The following LGR6 variants were observed in gnomAD, a reference collection of about 807,000 sequenced individuals.
LGR6 encodes the protein leucine rich repeat containing G protein-coupled receptor 6.
Under a neutral mutation model 69.4 loss-of-function variants are expected in LGR6, and 45 were observed. The observed-to-expected ratio is 0.65, with a 90% confidence interval of 0.51 to 0.83. The LOEUF (loss-of-function observed/expected upper bound fraction) is 0.83, where lower values mean the gene tolerates loss of function less well. Among genes scored for constraint, LGR6 ranks in the 40% least tolerant of loss-of-function variants. LGR6 has a pLI of 0.00. For synonymous variants in LGR6, 538 were observed against 555.0 expected (o/e 0.97, Z 0.43); for missense variants, 1,108 against 1,246.7 (o/e 0.89, Z 1.68).
intron 4 of LGR6, among the ~76,000 whole-genome samples, chr1:202,246,292 C>T (rs1214797204): frequency 2.8e-4 from 1 of 3,614 alleles, no homozygotes; most frequent in African/African-American, 1.8e-3. Flanking sequence ...TCCCCCATCC[C>T]TCCATCCCTC....
chr1:202,280,188 C>G (rs983029024), intron 5 of LGR6, among the ~76,000 whole-genome samples: 2 of 152,074 alleles, frequency 1.3e-5, no homozygotes, highest in African/African-American at 4.8e-5. Flanking sequence ...CCCCCTTTGC[C>G]TGGAATGCCC....
intron 17 of LGR6, 54 bp from the exon 18 acceptor site, chr1:202,317,898 A>AG: frequency 6.7e-7 from 1 of 1,503,072 alleles, no homozygotes; most frequent in African/African-American, 1.4e-5. Flanking sequence ...TTGGTCCTGA[A>AG]GACCTGGTCC....
chr1:202,208,242 C>T (rs61821573), intron 1 of LGR6, among the ~76,000 whole-genome samples: 9,091 of 152,246 alleles, frequency 0.06, 313 homozygotes, highest in Admixed American at 0.11. Context: ...TGGGCTAGGA[C>T]GCTGTCTTTG....
chr1:202,211,256 T>C (rs541791726), intron 1 of LGR6, among the ~76,000 whole-genome samples: 1 of 152,294 alleles, frequency 6.6e-6, no homozygotes, highest in South Asian at 2.1e-4. Flanking sequence ...GAAATAAACA[T>C]CCAATTTCAT....
intron 4 of LGR6, among the ~76,000 whole-genome samples, chr1:202,258,803 G>C (rs965020761): frequency 6.6e-6 from 1 of 151,796 alleles, no homozygotes; most frequent in African/African-American, 2.4e-5. Context: ...TCTGTTTCCT[G>C]TCTTATGCGT....
chr1:202,243,728 T>C (rs1371527194), intron 4 of LGR6, among the ~76,000 whole-genome samples: 1 of 152,040 alleles, frequency 6.6e-6, no homozygotes, highest in Non-Finnish European at 1.5e-5. Context: ...GAAGCAAATC[T>C]TCAAGAGGGC....
intron 4 of LGR6, among the ~76,000 whole-genome samples, chr1:202,274,786 C>T (rs1409361726): frequency 1.3e-5 from 2 of 152,210 alleles, no homozygotes; most frequent in African/African-American, 4.8e-5. Context: ...AGAACCATGT[C>T]CAAGGTGACA....
At chr1:202,196,824 T>C (rs1052752478) in intron 1 of LGR6, among the ~76,000 whole-genome samples, 3 of 152,064 alleles carry the variant, frequency 2.0e-5, no homozygotes, top group African/African-American at 7.2e-5. Flanking sequence ...AGGGAATGGT[T>C]TGTGGCTGGA....
In LGR6 at chr1:202,306,691, A is replaced by G. The variant is rs1341409278; in HGVS notation, c.1137-177A>G. ...CTTTGTCTCCTGACCCACTTACCCA[A>G]GGCAACCGGATCCCCTTGTGCTCCC... On this transcript the variant is annotated intron_variant, in intron 12 of 17. Transcript: ENST00000367278. 1.6e-5 allele frequency: 11 copies of G among 672,580 alleles called. No homozygotes were observed. The East Asian group carries it at 3.0e-4, about 18-fold the overall frequency. 41.7% of individuals were successfully genotyped at this position (672,580 alleles called of 1,614,324 possible).
rs1667247829 is a variant in LGR6 at position 202,297,508 on chromosome 1, A to C, written c.717A>C (p.Leu239=). The change falls in exon 7 of 18, where the codon CTA becomes CTC. Residue 239 remains leucine, a splice_region_variant and synonymous_variant. Coordinates refer to ENST00000367278, the MANE Select transcript of LGR6 (RefSeq NM_001017403.2). The part of the protein sequence containing the change: ...SFEGLHNLET[L]DLNYNKLQEF... ...ATGACTGCTCTGCTTTCTGTTCCAG[A>C]GACCTGAATTATAACAAGCTGCAGG... 40 of 1,613,336 alleles carry C rather than the reference A, an allele frequency of 2.5e-5. No homozygotes were observed. The highest frequency in any genetic ancestry group is 3.3e-5 in the Non-Finnish European group (39 of 1,179,602).
At chr1:202,314,390 T>C (rs1653982333) in intron 16 of LGR6, among the ~76,000 whole-genome samples, 1 of 152,230 alleles carries the variant, frequency 6.6e-6, no homozygotes, top group East Asian at 1.9e-4. Flanking sequence ...ACTGATGTTT[T>C]TCTTAATGTG....
chr1:202,293,996 C>A (rs1206629399), intron 6 of LGR6, among the ~76,000 whole-genome samples: 2 of 152,192 alleles, frequency 1.3e-5, no homozygotes, highest in Non-Finnish European at 2.9e-5. Context: ...AGCAAAGTCA[C>A]ATGAAACCAT....
At chr1:202,287,585 C>T (rs566024559) in intron 6 of LGR6, among the ~76,000 whole-genome samples, 3 of 152,294 alleles carry the variant, frequency 2.0e-5, no homozygotes, top group African/African-American at 7.2e-5. Context: ...ATCCAGACTT[C>T]CAGACTAAAC....
intron 4 of LGR6, among the ~76,000 whole-genome samples, chr1:202,242,231 T>G (rs1250437543): frequency 6.6e-6 from 1 of 152,116 alleles, no homozygotes; most frequent in African/African-American, 2.4e-5. Context: ...CCCAGAGGAG[T>G]TAAGCAACTT....
chr1:202,245,487 G>A (rs537057650), intron 4 of LGR6, among the ~76,000 whole-genome samples: 3 of 152,136 alleles, frequency 2.0e-5, no homozygotes, highest in Admixed American at 2.0e-4. Context: ...GGAGCAGTGC[G>A]GGAACACCTC....
intron 6 of LGR6, among the ~76,000 whole-genome samples, chr1:202,283,269 A>G (rs569110172): frequency 3.3e-5 from 5 of 152,254 alleles, no homozygotes; most frequent in East Asian, 3.9e-4. Flanking sequence ...TTGATCTCCA[A>G]TTAAAAAGGG....
At position 202,301,230 on chromosome 1, in the gene LGR6, C is replaced by T. The variant is rs1667570468; in HGVS notation, c.924C>T (p.His308=). 1 of 1,613,888 alleles carries T rather than the reference C, an allele frequency of 6.2e-7. No homozygotes were observed. Among genetic ancestry groups the T allele is most frequent in the African/African-American group, 1.3e-5 (1 of 74,924 alleles). ...RSAFQYLPKL[H]TLSLNGAMDI... is the part of the protein sequence containing the mutation. ...CATTCCAGTACCTGCCTAAACTCCA[C>T]ACACTGTAAGTTGGCTCCTGAAGGC... is the stretch of plus-strand genomic sequence containing the variant. Residue 308 remains histidine (H), a synonymous_variant, in exon 9 of 18, where the codon CAC becomes CAT. Transcript: ENST00000367278.
chr1:202,249,090 G>C (rs1359444366), intron 4 of LGR6, among the ~76,000 whole-genome samples: 2 of 152,072 alleles, frequency 1.3e-5, no homozygotes, highest in Non-Finnish European at 2.9e-5. Flanking sequence ...ACCACTCACC[G>C]AGGCTCCACT....
At chr1:202,236,054 AG>A in intron 4 of LGR6, 61 bp downstream of exon 4, 1 of 1,414,824 alleles carries the variant, frequency 7.1e-7, no homozygotes. Flanking sequence ...GTCACAGCCC[AG>A]GGCCCCCTGC....
Sources: allele counts gnomAD v4.1 joint callset (sites outside exome capture counted in the v4.1 genomes callset), GRCh38; gene constraint gnomAD v4.1.1; transcripts MANE v1.5; gene names NCBI Gene and HGNC (gene_info 2026-07-23, HGNC 2026-07-21).